NEXMIF: variants seen among roughly 807,000 people sequenced by gnomAD.
The protein encoded by NEXMIF is XLMR protein related to neurite extension.
Under a neutral mutation model 62.1 loss-of-function variants are expected in NEXMIF, and 8 were observed. The observed-to-expected ratio is 0.13, with a 90% CI of 0.08 to 0.23. The LOEUF (loss-of-function observed/expected upper bound fraction) is 0.23. Among genes scored for constraint, NEXMIF ranks in the 10% least tolerant of loss-of-function variants. NEXMIF has a pLI of 1.00. For missense variants in NEXMIF, 976 were observed against 1,113.3 expected (o/e 0.88, Z 1.75); for synonymous variants, 404 against 416.6 (o/e 0.97, Z 0.37).
chrX:74,807,441 A>T (rs187211568), intron 1 of NEXMIF, among the ~76,000 whole-genome samples: 11 of 110,443 alleles, frequency 1.0e-4, no homozygotes, highest in African/African-American at 3.6e-4. Flanking sequence ...AGTAGCTGGG[A>T]CTATAGGCAT....
chrX:74,805,174 C>T (rs192311614), intron 1 of NEXMIF, among the ~76,000 whole-genome samples: 99 of 112,136 alleles, frequency 8.8e-4, no homozygotes, highest in Non-Finnish European at 1.2e-3. Context: ...TTCAGTGCCT[C>T]TTTCACCAAT....
chrX:74,922,898 C>G (rs1027589451), intron 1 of NEXMIF, among the ~76,000 whole-genome samples: 1 of 111,528 alleles, frequency 9.0e-6, no homozygotes, highest in Non-Finnish European at 1.9e-5. Flanking sequence ...CCAGTTGGGA[C>G]AGCCAGGTAG....
intron 3 of NEXMIF, chrX:74,739,883 A>G: frequency 2.4e-6 from 1 of 410,013 alleles, no homozygotes; most frequent in Non-Finnish European, 4.2e-6. Flanking sequence ...TCCCTAGCCA[A>G]GCCACAACAA....
chrX:74,793,279 TC>T (rs1255688980), intron 1 of NEXMIF, among the ~76,000 whole-genome samples: 3 of 110,441 alleles, frequency 2.7e-5, no homozygotes, highest in Non-Finnish European at 5.7e-5. Context: ...AAAATTCTTT[TC>T]TTTAAGCATG....
intron 1 of NEXMIF, among the ~76,000 whole-genome samples, chrX:74,756,768 T>C (rs899830412): frequency 1.4e-4 from 16 of 112,008 alleles, no homozygotes; most frequent in African/African-American, 4.2e-4. Flanking sequence ...AGCACCCAAC[T>C]CAAGCCAATC....
intron 1 of NEXMIF, among the ~76,000 whole-genome samples, chrX:74,887,582 C>G (rs771873995): frequency 0.018 from 2,034 of 111,439 alleles, 47 homozygotes; most frequent in African/African-American, 0.063. Context: ...AAATGCAAAT[C>G]AAAACCACAA....
intron 1 of NEXMIF, among the ~76,000 whole-genome samples, chrX:74,873,452 C>G (rs141803823): frequency 1.8e-5 from 2 of 111,813 alleles, no homozygotes; most frequent in African/African-American, 6.5e-5. Context: ...AATAAACATA[C>G]GTGTGCAAGT....
intron 1 of NEXMIF, among the ~76,000 whole-genome samples, chrX:74,924,583 G>A (rs1022866622): frequency 8.8e-6 from 1 of 113,419 alleles, no homozygotes; most frequent in Non-Finnish European, 1.9e-5. Flanking sequence ...GTGTAAGCGC[G>A]GCGGCTCCGG....
intron 1 of NEXMIF, among the ~76,000 whole-genome samples, chrX:74,900,947 T>C (rs990058868): frequency 1.8e-5 from 2 of 111,466 alleles, no homozygotes; most frequent in Admixed American, 1.9e-4. Flanking sequence ...GTATTTAGAG[T>C]CATCAAATCC....
intron 1 of NEXMIF, among the ~76,000 whole-genome samples, chrX:74,795,299 A>G (rs2080302865): frequency 8.9e-6 from 1 of 112,336 alleles, no homozygotes; most frequent in Non-Finnish European, 1.9e-5. Flanking sequence ...TTTCAACAAG[A>G]GAATGGATAA....
intron 1 of NEXMIF, among the ~76,000 whole-genome samples, chrX:74,796,229 A>AATATATATATATACATATATAAT (rs1569345237): frequency 3.3e-4 from 20 of 60,628 alleles, no homozygotes; most frequent in African/African-American, 1.3e-3. Flanking sequence ...ATACATATAT[A>AATATATATATATACATATATAAT]ATATATATAT....
intron 1 of NEXMIF, among the ~76,000 whole-genome samples, chrX:74,878,930 T>C (rs943809523): frequency 2.7e-5 from 3 of 112,734 alleles, no homozygotes; most frequent in Non-Finnish European, 5.6e-5. Context: ...CAGATGGAAA[T>C]GCAGAAATCA....
intron 1 of NEXMIF, among the ~76,000 whole-genome samples, chrX:74,820,580 T>A (rs1328013359): frequency 1.8e-5 from 2 of 111,587 alleles, no homozygotes; most frequent in Admixed American, 1.9e-4. Context: ...CACTATTCAC[T>A]TAGCAAAGAT....
intron 1 of NEXMIF, among the ~76,000 whole-genome samples, chrX:74,873,154 C>A (rs908322602): frequency 9.1e-6 from 1 of 109,742 alleles, no homozygotes; most frequent in African/African-American, 3.3e-5. Context: ...CCCAACCCCA[C>A]AACAGTCCCC....
intron 1 of NEXMIF, among the ~76,000 whole-genome samples, chrX:74,888,119 T>C (rs1277871833): frequency 9.2e-6 from 1 of 108,420 alleles, no homozygotes; most frequent in Non-Finnish European, 1.9e-5. Flanking sequence ...AAGGGGAACA[T>C]CACACACCTG....
intron 1 of NEXMIF, among the ~76,000 whole-genome samples, chrX:74,772,713 G>A: frequency 8.9e-6 from 1 of 112,428 alleles, no homozygotes; most frequent in African/African-American, 3.2e-5. Flanking sequence ...TCTGTTCCTT[G>A]CAGAAATGGT....
intron 1 of NEXMIF, among the ~76,000 whole-genome samples, chrX:74,845,780 T>C (rs376467187): frequency 4.5e-5 from 5 of 110,168 alleles, no homozygotes; most frequent in African/African-American, 1.3e-4. Flanking sequence ...AAAATAAACA[T>C]AAAAATCCAA....
At chrX:74,871,864 G>C (rs2080602522) in intron 1 of NEXMIF, among the ~76,000 whole-genome samples, 1 of 111,480 alleles carries the variant, frequency 9.0e-6, no homozygotes, top group Non-Finnish European at 1.9e-5. Context: ...TTCACAATCA[G>C]ATTTCATATT....
chrX:74,845,091 C>T (rs756250338), intron 1 of NEXMIF, among the ~76,000 whole-genome samples: 1 of 111,835 alleles, frequency 8.9e-6, no homozygotes, highest in African/African-American at 3.2e-5. Flanking sequence ...CTATTAGGTG[C>T]TCCTAGGCTC....
Sources: gnomAD v4.1 joint callset for allele counts (sites outside exome capture counted in the v4.1 genomes callset) on GRCh38, gnomAD v4.1.1 for gene constraint, MANE v1.5 for transcripts, NCBI Gene and HGNC (gene_info 2026-07-23, HGNC 2026-07-21) for gene names.